Variants in MPP3 observed in about 807,000 individuals in gnomAD.
MPP3 encodes the protein MAGUK p55 subfamily member 3.
In MPP3, 48 loss-of-function variants were observed where a neutral mutation model predicts 80.7. That is an observed-to-expected ratio of 0.59 (90% confidence interval 0.47 to 0.76). The LOEUF is 0.76. MPP3 is among the 30% of genes least tolerant of loss of function. The pLI is 0.00. For synonymous variants in MPP3, 311 were observed against 297.6 expected (o/e 1.04, Z -0.46); for missense variants, 620 against 763.0 (o/e 0.81, Z 2.21).
At position 43,831,236 on chromosome 17, in the gene MPP3, G is replaced by A. The variant is rs2045943834; in HGVS notation, c.222+8C>T. 1.9e-6 allele frequency: 3 copies of A among 1,613,930 alleles called. No individual in the cohort carries two copies. The highest frequency in any genetic ancestry group is 2.5e-6 in the Non-Finnish European group (3 of 1,179,922). On this transcript the variant is annotated splice_region_variant and intron_variant, in intron 5 of 19. Transcript: ENST00000398389. The stretch of plus-strand genomic sequence containing the variant: ...GGCAGACACTGTAAGGAGAAACCTG[G>A]GGCTTACGTCCTCAGCGAGGGCCAC...
At chr17:43,823,875 C>CAGCGAGCTGCATCTCTCAAGCTG in intron 10 of MPP3, 56 bp downstream of exon 10, 1 of 1,276,502 alleles carries the variant, frequency 7.8e-7, no homozygotes, top group Non-Finnish European at 1.1e-6. Flanking sequence ...AGCCCCCAGC[C>CAGCGAGCTGCATCTCTCAAGCTG]AGCGAGCTGC....
At chr17:43,808,495 G>T (rs965704799) in intron 19 of MPP3, among the ~76,000 whole-genome samples, 1 of 152,248 alleles carries the variant, frequency 6.6e-6, no homozygotes, top group Non-Finnish European at 1.5e-5. Context: ...GGACACATCA[G>T]ACGATCTCAT....
intron 19 of MPP3, among the ~76,000 whole-genome samples, chr17:43,807,157 G>C (rs757277259): frequency 6.7e-6 from 1 of 150,052 alleles, no homozygotes; most frequent in Admixed American, 6.6e-5. Flanking sequence ...TTTTTAGTAT[G>C]AGACGGGGTT....
At chr17:43,803,357 T>C (rs545455525) in intron 19 of MPP3, among the ~76,000 whole-genome samples, 3 of 152,340 alleles carry the variant, frequency 2.0e-5, no homozygotes, top group East Asian at 3.9e-4. Flanking sequence ...AAATCTCTAA[T>C]GGAGTAAAAA....
chr17:43,824,265 G>A (rs1287577213), intron 9 of MPP3, among the ~76,000 whole-genome samples: 1 of 152,130 alleles, frequency 6.6e-6, no homozygotes, highest in East Asian at 1.9e-4. Context: ...GTTGGTAACT[G>A]TATTTTCAAA....
intron 19 of MPP3, among the ~76,000 whole-genome samples, chr17:43,808,072 T>C (rs1382921527): frequency 6.6e-6 from 1 of 152,100 alleles, no homozygotes; most frequent in Non-Finnish European, 1.5e-5. Context: ...CTGGACAACA[T>C]AGTGAGTCCC....
intron 12 of MPP3, 125 bp downstream of exon 12, chr17:43,817,921 T>C: frequency 2.8e-6 from 1 of 361,002 alleles, no homozygotes; most frequent in Non-Finnish European, 4.7e-6. Flanking sequence ...TCCTCTGGAG[T>C]CCATGAGCTC....
intron 8 of MPP3, among the ~76,000 whole-genome samples, chr17:43,826,825 T>C (rs2045717800): frequency 7.8e-6 from 1 of 128,440 alleles, no homozygotes; most frequent in Non-Finnish European, 1.6e-5. Context: ...TTTATATATA[T>C]ATATATTTTT....
At chr17:43,820,489 G>A (rs2045381333) in intron 11 of MPP3, among the ~76,000 whole-genome samples, 1 of 151,642 alleles carries the variant, frequency 6.6e-6, no homozygotes, top group Non-Finnish European at 1.5e-5. Context: ...CTACTCAGGA[G>A]GCTGAGGCGG....
intron 10 of MPP3, 138 bp downstream of exon 10, chr17:43,823,793 T>C: frequency 1.6e-6 from 1 of 622,848 alleles, no homozygotes. Context: ...AGTCCTCCAC[T>C]GGGCACAGAT....
chr17:43,802,306 A>G (rs1202840700), intron 19 of MPP3, among the ~76,000 whole-genome samples: 1 of 152,206 alleles, frequency 6.6e-6, no homozygotes, highest in Non-Finnish European at 1.5e-5. Flanking sequence ...AATAATAACT[A>G]TATAAAAACA....
chr17:43,826,150 A>G (rs886682405), intron 8 of MPP3, among the ~76,000 whole-genome samples: 1 of 152,256 alleles, frequency 6.6e-6, no homozygotes, highest in Non-Finnish European at 1.5e-5. Context: ...AAACACAGTT[A>G]TTATGATGTA....
At chr17:43,815,976 C>T in intron 14 of MPP3, 62 bp downstream of exon 14, 1 of 1,417,688 alleles carries the variant, frequency 7.1e-7, no homozygotes, top group African/African-American at 1.5e-5. Flanking sequence ...TTGACCTCTC[C>T]CTAACTCTGG....
chr17:43,819,061 A>T (rs1044544463), intron 11 of MPP3: 3 of 152,224 alleles, frequency 2.0e-5, no homozygotes, highest in Non-Finnish European at 4.4e-5. Flanking sequence ...TCGTTCTCAG[A>T]CTTCGGCATC....
chr17:43,821,112 G>T, intron 10 of MPP3, 54 bp from the exon 11 acceptor site: 1 of 1,564,234 alleles, frequency 6.4e-7, no homozygotes, highest in Non-Finnish European at 8.7e-7. Context: ...GCACAGACAG[G>T]TCATTGTCAC....
Position 43,820,603 on chromosome 17 carries a change from A to ATACAC in MPP3, c.881+258_881+259insGTGTA, listed in dbSNP as rs1264169757. Among the ~76,000 whole-genome samples the ATACAC allele has an allele frequency of 7.2e-3, 923 of 127,518 alleles. 5 individuals carry two copies. Among genetic ancestry groups the ATACAC allele is most frequent in the Middle Eastern group, 0.023 (6 of 260 alleles). The allele number at this position is 127,518 out of a possible 152,430, so 83.7% of individuals were successfully genotyped here. On this transcript the variant is annotated intron_variant, in intron 11 of 19. Transcript: ENST00000398389. ...GAGACTCTGTCTCAAAAAAAAAAAA[A>ATACAC]ATACACACACACACACACACACACA...
intron 12 of MPP3, 76 bp from the exon 13 acceptor site, chr17:43,816,773 G>A (rs1337316506): frequency 3.5e-5 from 50 of 1,425,836 alleles, no homozygotes; most frequent in East Asian, 9.9e-5. Context: ...GGGCAGCCAC[G>A]GCCCGAGTGC....
intron 18 of MPP3, among the ~76,000 whole-genome samples, chr17:43,809,955 G>A (rs938295673): frequency 6.6e-6 from 1 of 152,086 alleles, no homozygotes; most frequent in Non-Finnish European, 1.5e-5. Context: ...GGAAACACTA[G>A]TATTAAACTG....
At chr17:43,820,758 TC>T (rs556097046) in intron 11 of MPP3, 103 bp downstream of exon 11, 6 of 1,064,526 alleles carry the variant, frequency 5.6e-6, no homozygotes, top group Admixed American at 2.3e-5. Flanking sequence ...GGAACAATGC[TC>T]AGCAGGCCCC....
Sources: gnomAD v4.1 joint callset for allele counts (sites outside exome capture counted in the v4.1 genomes callset) on GRCh38, gnomAD v4.1.1 for gene constraint, MANE v1.5 for transcripts, NCBI Gene and HGNC (gene_info 2026-07-23, HGNC 2026-07-21) for gene names.